The following ABI3BP variants were observed in gnomAD, a reference collection of about 807,000 sequenced individuals.
ABI3BP encodes ABI family member 3 binding protein.
Under a neutral mutation model 268.6 loss-of-function variants are expected in ABI3BP, and 216 were observed. The ratio of observed to expected loss-of-function variants is 0.80; its 90% CI spans 0.72 to 0.90. The LOEUF (loss-of-function observed/expected upper bound fraction) is 0.90. ABI3BP is among the 40% of genes least tolerant of loss of function. The pLI, the probability that ABI3BP is intolerant of heterozygous loss-of-function variation, is 0.00. For synonymous variants in ABI3BP, 730 were observed against 730.0 expected (o/e 1.00, Z 0.00); for missense variants, 2,090 against 2,182.4 (o/e 0.96, Z 0.84).
chr3:100,788,492 G>A (rs995331252), intron 56 of ABI3BP, among the ~76,000 whole-genome samples: 3 of 152,074 alleles, frequency 2.0e-5, no homozygotes, highest in Admixed American at 6.6e-5. Context: ...GTGTGCCTCA[G>A]CTTCCTCAAC....
chr3:100,808,709 AT>A lies in ABI3BP; in HGVS notation c.3608-475del, dbSNP rs138279502. Among the ~76,000 whole-genome samples the A allele has an allele frequency of 0.013, 2,019 of 152,014 alleles. 185 individuals are homozygous for A. The East Asian group carries it at 0.24, about 18-fold the overall frequency. On this transcript the variant is annotated intron_variant, in intron 49 of 67. Transcript: ENST00000471714. The stretch of plus-strand genomic sequence containing the variant: ...AATTAATCTTACTAAACAAAACACA[AT>A]TTTATTGGTTATATAGGGGAAGAGA...
At position 100,864,014 on chromosome 3, in the gene ABI3BP, G is replaced by C. The variant is rs1188173808; in HGVS notation, c.1126C>G (p.Leu376Val). Residue 376 changes from leucine (L) to valine (V), a missense_variant, in exon 12 of 68, where the codon CTG becomes GTG. By Grantham distance (32) the Leu-to-Val change is conservative. Coordinates refer to ENST00000471714, the MANE Select transcript of ABI3BP (RefSeq NM_001375547.2). ...TILIPQFELPLSTLAPKSLPE... is the reference protein window; with the variant it reads ...TILIPQFELPVSTLAPKSLPE... ...TATTATTTTTTACCTAGAGTGCTCA[G>C]TGGCAATTCAAACTGAGGTATTAGA... The C allele has an allele frequency of 4.6e-6, 7 of 1,533,766 alleles. No individual in the cohort carries two copies. Among genetic ancestry groups the C allele is most frequent in the Non-Finnish European group, 6.1e-6 (7 of 1,144,766 alleles).
At chr3:100,936,832 AC>A in intron 1 of ABI3BP, among the ~76,000 whole-genome samples, 1 of 151,876 alleles carries the variant, frequency 6.6e-6, no homozygotes, top group Admixed American at 6.6e-5. Context: ...TATCCCCTTT[AC>A]CATTTTTTAT....
At chr3:100,957,987 A>G (rs2077405542) in intron 1 of ABI3BP, among the ~76,000 whole-genome samples, 1 of 152,220 alleles carries the variant, frequency 6.6e-6, no homozygotes, top group African/African-American at 2.4e-5. Flanking sequence ...ACTGAGAAGA[A>G]GTAGCTCATG....
At chr3:100,879,187 G>A (rs2099199545) in intron 6 of ABI3BP, among the ~76,000 whole-genome samples, 1 of 152,052 alleles carries the variant, frequency 6.6e-6, no homozygotes, top group African/African-American at 2.4e-5. Flanking sequence ...CTCACCCCCT[G>A]GTAACCACCA....
chr3:100,984,171 C>A (rs1168425896), intron 1 of ABI3BP, among the ~76,000 whole-genome samples: 1 of 151,790 alleles, frequency 6.6e-6, no homozygotes, highest in Non-Finnish European at 1.5e-5. Flanking sequence ...CCACCCTAGA[C>A]CAATTTAAAA....
intron 4 of ABI3BP, among the ~76,000 whole-genome samples, chr3:100,894,698 GGGAGGCCAA>G (rs1463048087): frequency 1.3e-5 from 2 of 152,018 alleles, no homozygotes; most frequent in African/African-American, 4.8e-5. Flanking sequence ...CCAGCACTTT[GGGAGGCCAA>G]GGAGGGCAGA....
At chr3:100,841,538 A>G (rs1027090870) in intron 21 of ABI3BP, among the ~76,000 whole-genome samples, 4 of 152,098 alleles carry the variant, frequency 2.6e-5, no homozygotes, top group African/African-American at 9.7e-5. Context: ...TAAGTCAAGC[A>G]CAGGCTGAGA....
chr3:100,905,680 T>C (rs757806300), intron 2 of ABI3BP, among the ~76,000 whole-genome samples: 7 of 152,134 alleles, frequency 4.6e-5, no homozygotes, highest in Non-Finnish European at 8.8e-5. Context: ...AAAATGCATA[T>C]GCATATATGT....
At chr3:100,800,029 C>G (rs17284026) in intron 51 of ABI3BP, among the ~76,000 whole-genome samples, 21,039 of 152,094 alleles carry the variant, frequency 0.14, 1,894 homozygotes, top group South Asian at 0.27. Context: ...GCCAGTCTAG[C>G]AATAGCATTG....
intron 1 of ABI3BP, among the ~76,000 whole-genome samples, chr3:100,966,107 T>C (rs1424959282): frequency 6.6e-6 from 1 of 152,192 alleles, no homozygotes; most frequent in East Asian, 1.9e-4. Flanking sequence ...TGAGAATGTC[T>C]CTGTTCTCTA....
intron 2 of ABI3BP, among the ~76,000 whole-genome samples, chr3:100,914,984 G>C (rs1437395003): frequency 6.6e-6 from 1 of 152,100 alleles, no homozygotes; most frequent in African/African-American, 2.4e-5. Context: ...TAATTTGCAG[G>C]GTCGGATGCA....
chr3:100,903,367 C>G (rs886064643), intron 2 of ABI3BP, among the ~76,000 whole-genome samples: 1 of 152,086 alleles, frequency 6.6e-6, no homozygotes, highest in Non-Finnish European at 1.5e-5. Context: ...CAATAAGGAG[C>G]TAATAATTTA....
Position 100,838,225 on chromosome 3 carries a change from G to C in ABI3BP, c.2068C>G (p.Pro690Ala). The C allele has an allele frequency of 6.5e-7, 1 of 1,536,260 alleles. No individual in the cohort carries two copies. The highest frequency in any genetic ancestry group is 8.7e-7 in the Non-Finnish European group (1 of 1,146,660). Reference protein sequence around the residue: ...KPQTTAEPDMPPTKSVSEPVP... With the variant: ...KPQTTAEPDMAPTKSVSEPVP... ...TTATGTTTACCGGATTTAGTTGGTG[G>C]CATGTCTGGTTCTGCTGTGGTTTGG... Residue 690 changes from proline to alanine, a missense_variant, in exon 26 of 68, where the codon CCA (proline) becomes GCA (alanine). Coordinates refer to ENST00000471714, the MANE Select transcript of ABI3BP (RefSeq NM_001375547.2).
chr3:100,812,283 A>G (rs1287854099), intron 46 of ABI3BP, among the ~76,000 whole-genome samples, 184 bp downstream of exon 46: 3 of 152,170 alleles, frequency 2.0e-5, no homozygotes, highest in Non-Finnish European at 4.4e-5. Flanking sequence ...TTGCATAGCA[A>G]TACAGCAGAT....
At chr3:100,860,789 G>A (rs114121883) in intron 14 of ABI3BP, among the ~76,000 whole-genome samples, 2,191 of 152,192 alleles carry the variant, frequency 0.014, 52 homozygotes, top group African/African-American at 0.049. Context: ...TGTTATAACC[G>A]AAAAGCTAAA....
At chr3:100,815,825 G>T (rs2152546074) in intron 44 of ABI3BP, 87 bp downstream of exon 44, 2 of 882,846 alleles carry the variant, frequency 2.3e-6, no homozygotes, top group Non-Finnish European at 3.3e-6. Context: ...GTCTTAGGAA[G>T]CAGAAGCAAC....
chr3:100,989,501 T>G (rs563098268), intron 1 of ABI3BP, among the ~76,000 whole-genome samples: 1 of 152,340 alleles, frequency 6.6e-6, no homozygotes, highest in South Asian at 2.1e-4. Context: ...ATTTCTACTC[T>G]GTTAGGTAAG....
At chr3:100,904,668 C>T (rs1215769946) in intron 2 of ABI3BP, among the ~76,000 whole-genome samples, 14 of 152,184 alleles carry the variant, frequency 9.2e-5, no homozygotes. Flanking sequence ...ATATGAATAT[C>T]ATCGCTGGCC....
Sources: allele counts gnomAD v4.1 joint callset (sites outside exome capture counted in the v4.1 genomes callset), GRCh38; gene constraint gnomAD v4.1.1; transcripts MANE v1.5; gene names NCBI Gene and HGNC (gene_info 2026-07-23, HGNC 2026-07-21).